The following ASTN2 variants were observed in gnomAD, a reference collection of about 807,000 sequenced individuals.
The protein encoded by ASTN2 is astrotactin 2.
A neutral mutation model predicts 139.8 loss-of-function variants in ASTN2; 54 were observed. That is an observed-to-expected ratio of 0.39 (90% confidence interval 0.31 to 0.48). ASTN2 has a LOEUF of 0.48. Ranked by LOEUF, ASTN2 falls within the 20% of genes least tolerant of loss-of-function variation. The probability of loss-of-function intolerance (pLI) is 0.95; values close to 1 mark genes in which losing one functional copy is unlikely to be tolerated. For synonymous variants in ASTN2, 756 were observed against 719.5 expected, an observed-to-expected ratio of 1.05 and a Z score of -0.81; for missense variants, 1,565 against 1,725.1, an observed-to-expected ratio of 0.91 and a Z score of 1.64.
intron 4 of ASTN2, among the ~76,000 whole-genome samples, chr9:117,133,511 C>A (rs1829872321): frequency 6.6e-6 from 1 of 152,102 alleles, no homozygotes; most frequent in Admixed American, 6.5e-5. Flanking sequence ...GATCATGAAG[C>A]CAGTTTGATT....
intron 3 of ASTN2, among the ~76,000 whole-genome samples, chr9:117,158,824 G>T (rs747073911): frequency 1.2e-4 from 18 of 151,852 alleles, no homozygotes; most frequent in Non-Finnish European, 2.2e-4. Context: ...ATCTCTCTGT[G>T]GCTTTGACCT....
chr9:117,021,220 T>G (rs192977264), intron 6 of ASTN2, among the ~76,000 whole-genome samples: 109 of 152,234 alleles, frequency 7.2e-4, no homozygotes, highest in Non-Finnish European at 1.2e-3. Flanking sequence ...TTTTTAAATG[T>G]GAAGTTTCTG....
At chr9:116,948,810 T>TTTTTTTTTG (rs1835477537) in intron 10 of ASTN2, among the ~76,000 whole-genome samples, 1 of 102,584 alleles carries the variant, frequency 9.7e-6, no homozygotes, top group African/African-American at 3.0e-5. Context: ...TTTTTTTTTT[T>TTTTTTTTTG]GAGAAGGAGT....
At chr9:117,060,987 AG>A (rs1460888119) in intron 5 of ASTN2, among the ~76,000 whole-genome samples, 1 of 152,136 alleles carries the variant, frequency 6.6e-6, no homozygotes, top group African/African-American at 2.4e-5. Context: ...ACTACAAATC[AG>A]GTTTTTTGTT....
At chr9:116,498,325 C>T (rs191996755) in intron 19 of ASTN2, among the ~76,000 whole-genome samples, 6 of 152,260 alleles carry the variant, frequency 3.9e-5, no homozygotes, top group African/African-American at 1.4e-4. Flanking sequence ...TGTCCCATGC[C>T]TGTAATCCCA....
intron 1 of ASTN2, among the ~76,000 whole-genome samples, chr9:117,323,437 G>C (rs923721055): frequency 5.9e-5 from 9 of 152,082 alleles, no homozygotes; most frequent in African/African-American, 2.2e-4. Context: ...GCCTTAGATA[G>C]AGCCTCTTCA....
At chr9:116,830,020 G>T (rs1329184197) in intron 11 of ASTN2, among the ~76,000 whole-genome samples, 2 of 152,206 alleles carry the variant, frequency 1.3e-5, no homozygotes, top group African/African-American at 4.8e-5. Context: ...CACAGCAAAA[G>T]AAACTATCAA....
intron 10 of ASTN2, among the ~76,000 whole-genome samples, chr9:116,968,966 G>A (rs1374080249): frequency 6.6e-6 from 1 of 151,312 alleles, no homozygotes; most frequent in African/African-American, 2.4e-5. Flanking sequence ...CCTGTGCCTT[G>A]CCCATGAATA....
At chr9:116,745,075 A>G (rs957355229) in intron 13 of ASTN2, among the ~76,000 whole-genome samples, 2 of 152,218 alleles carry the variant, frequency 1.3e-5, no homozygotes, top group Non-Finnish European at 2.9e-5. Flanking sequence ...CCAGTGGCCC[A>G]TACCCATGGG....
chr9:116,695,897 AT>A (rs1253747577), intron 16 of ASTN2, among the ~76,000 whole-genome samples: 5 of 152,126 alleles, frequency 3.3e-5, no homozygotes, highest in Admixed American at 6.6e-5. Flanking sequence ...AGGCACTGCT[AT>A]TTTTTAAATC....
intron 5 of ASTN2, among the ~76,000 whole-genome samples, chr9:117,040,603 C>T (rs1341954375): frequency 6.6e-6 from 1 of 152,154 alleles, no homozygotes; most frequent in Non-Finnish European, 1.5e-5. Context: ...GGATTACAGG[C>T]ACCCACCACC....
At chr9:117,385,699 C>T (rs182818138) in intron 1 of ASTN2, among the ~76,000 whole-genome samples, 160 of 149,380 alleles carry the variant, frequency 1.1e-3, no homozygotes, top group African/African-American at 3.5e-3. Context: ...CCCCTAGGAA[C>T]GACAGAGGGA....
intron 19 of ASTN2, among the ~76,000 whole-genome samples, chr9:116,520,943 T>G (rs529595946): frequency 3.3e-5 from 5 of 152,132 alleles, no homozygotes; most frequent in Non-Finnish European, 7.4e-5. Flanking sequence ...TAGGAATACC[T>G]AACCAAGGAT....
chr9:116,984,786 C>T (rs1291204226), intron 7 of ASTN2, among the ~76,000 whole-genome samples: 1 of 152,196 alleles, frequency 6.6e-6, no homozygotes, highest in Non-Finnish European at 1.5e-5. Context: ...CTTTCTGGAC[C>T]TCAGCCTTCC....
At chr9:117,046,658 G>A (rs1001859908) in intron 5 of ASTN2, among the ~76,000 whole-genome samples, 7 of 152,146 alleles carry the variant, frequency 4.6e-5, no homozygotes, top group Non-Finnish European at 8.8e-5. Context: ...GCTGGCCCCC[G>A]TGGACAAGTC....
intron 4 of ASTN2, among the ~76,000 whole-genome samples, chr9:117,114,764 G>A (rs1587978498): frequency 6.6e-6 from 1 of 152,096 alleles, no homozygotes; most frequent in African/African-American, 2.4e-5. Context: ...GCATGGCCAG[G>A]TCAGAAAAGG....
At chr9:116,446,183 T>G (rs1847982381) in intron 20 of ASTN2, among the ~76,000 whole-genome samples, 3 of 141,684 alleles carry the variant, frequency 2.1e-5, no homozygotes, top group Non-Finnish European at 4.5e-5. Context: ...CACAAGCAAA[T>G]CCATACAGCA....
Position 117,357,527 on chromosome 9 carries a change from A to C in ASTN2, c.442+56970T>G, listed in dbSNP as rs191136375. ...ATGGGCACAGCAGGTTCAGAGTGTT[A>C]CCAAGAGAATTGGAAATACTCCTGG... is the stretch of plus-strand genomic sequence containing the variant. On this transcript the variant is annotated intron_variant, in intron 1 of 22. Transcript: ENST00000313400. Among the ~76,000 whole-genome samples, 264 of 152,054 alleles carry C rather than the reference A, an allele frequency of 1.7e-3. 3 individuals are homozygous for C. The highest frequency in any genetic ancestry group is 1.1e-3 in the Non-Finnish European group (77 of 68,006).
At chr9:116,519,881 T>C (rs1850796961) in intron 19 of ASTN2, among the ~76,000 whole-genome samples, 1 of 152,098 alleles carries the variant, frequency 6.6e-6, no homozygotes, top group African/African-American at 2.4e-5. Context: ...TGAACACTTT[T>C]ATGCACATAA....
Sources: allele counts gnomAD v4.1 joint callset (sites outside exome capture counted in the v4.1 genomes callset), GRCh38; gene constraint gnomAD v4.1.1; transcripts MANE v1.5; gene names NCBI Gene and HGNC (gene_info 2026-07-23, HGNC 2026-07-21).